PGR: variants seen among roughly 807,000 people sequenced by gnomAD.
PGR encodes the protein progesterone receptor, also known as nuclear receptor subfamily 3 group C member 3.
In PGR, 25 loss-of-function variants were observed where a neutral mutation model predicts 76.1. The observed-to-expected ratio is 0.33, with a 90% CI of 0.24 to 0.46. The LOEUF (loss-of-function observed/expected upper bound fraction) is 0.46. PGR is among the 20% of genes least tolerant of loss of function. The pLI is 1.00. For missense variants in PGR, 1,172 were observed against 1,225.3 expected (o/e 0.96, Z 0.65); for synonymous variants, 579 against 535.0 (o/e 1.08, Z -1.14).
intron 4 of PGR, among the ~76,000 whole-genome samples, chr11:101,056,746 AT>A (rs1421311431): frequency 6.6e-6 from 1 of 152,176 alleles, no homozygotes; most frequent in Non-Finnish European, 1.5e-5. Context: ...TCTGTAAAAA[AT>A]GTCATGTAAT....
intron 3 of PGR, among the ~76,000 whole-genome samples, chr11:101,089,193 T>C (rs1357121950): frequency 1.3e-5 from 2 of 151,894 alleles, no homozygotes. Context: ...GCTGAAAAAA[T>C]AAATAGAGCT....
At chr11:101,059,677 T>TA (rs1195614000) in intron 4 of PGR, among the ~76,000 whole-genome samples, 3 of 150,422 alleles carry the variant, frequency 2.0e-5, no homozygotes, top group African/African-American at 7.3e-5. Flanking sequence ...CAACTAAAAA[T>TA]AAAAAAAATT....
intron 3 of PGR, among the ~76,000 whole-genome samples, chr11:101,090,484 G>A (rs1212140089): frequency 6.6e-6 from 1 of 152,202 alleles, no homozygotes; most frequent in Non-Finnish European, 1.5e-5. Context: ...TCTTTCTTCT[G>A]GCTCCGACAT....
At chr11:101,115,980 C>G (rs1862493741) in intron 2 of PGR, among the ~76,000 whole-genome samples, 1 of 152,152 alleles carries the variant, frequency 6.6e-6, no homozygotes. Context: ...TAGAGCAACA[C>G]TTAATAAAAC....
intron 6 of PGR, among the ~76,000 whole-genome samples, chr11:101,047,099 A>C (rs1385444704): frequency 6.6e-6 from 1 of 152,134 alleles, no homozygotes; most frequent in Non-Finnish European, 1.5e-5. Context: ...AAATGGCTAA[A>C]AATCTTACTC....
chr11:101,060,527 A>G (rs573662583), intron 4 of PGR, among the ~76,000 whole-genome samples: 1 of 152,336 alleles, frequency 6.6e-6, no homozygotes, highest in South Asian at 2.1e-4. Flanking sequence ...GTCAATTGAA[A>G]TCAGTTTTAA....
rs371901633 is a variant in PGR, at chr11:101,114,553, A to G, written c.1789+11454T>C. On this transcript the variant is annotated intron_variant, in intron 2 of 7. Coordinates refer to ENST00000325455, the MANE Select transcript of PGR (RefSeq NM_000926.4). Reference sequence around the variant, plus strand: ...TTCCTAGCTGTTCTCTCTGACTTCAAGCTATCTAATCTCTGTACAAATATA... The same window carrying G: ...TTCCTAGCTGTTCTCTCTGACTTCAGGCTATCTAATCTCTGTACAAATATA... 5.3e-5 allele frequency among the ~76,000 whole-genome samples: 8 copies of G among 152,290 alleles called. No individual in the cohort carries two copies. In the East Asian group the frequency reaches 1.4e-3, roughly 26 times the overall value.
In PGR at chr11:101,037,938, A is replaced by G. The variant is rs1859563754; in HGVS notation, c.*1178T>C. On this transcript the variant is annotated 3_prime_UTR_variant, in exon 8 of 8. Coordinates refer to ENST00000325455, the MANE Select transcript of PGR (RefSeq NM_000926.4). ...ATGCTACTGTAACTCAAATGTGCAC[A>G]AAATGGCAGGTAAACTCTAGGAGAA... 4.7e-6 allele frequency: 1 copy of G among 212,818 alleles called. No homozygotes were observed. Among genetic ancestry groups the G allele is most frequent in the African/African-American group, 2.3e-5 (1 of 44,258 alleles). 13.2% of individuals were successfully genotyped at this position (212,818 alleles called of 1,614,324 possible).
At chr11:101,122,676 C>A (rs1862716255) in intron 2 of PGR, among the ~76,000 whole-genome samples, 1 of 152,124 alleles carries the variant, frequency 6.6e-6, no homozygotes, top group African/African-American at 2.4e-5. Flanking sequence ...ATCATTTTTC[C>A]CAACTCCTTT....
chr11:101,062,778 C>A, intron 3 of PGR, 26 bp from the exon 4 acceptor site: 1 of 1,520,516 alleles, frequency 6.6e-7, no homozygotes, highest in Non-Finnish European at 9.0e-7. Flanking sequence ...AAAAGAAATT[C>A]ATGTAAATAT....
intron 4 of PGR, among the ~76,000 whole-genome samples, chr11:101,054,910 G>A (rs1860234120): frequency 6.6e-6 from 1 of 151,810 alleles, no homozygotes; most frequent in Admixed American, 6.6e-5. Context: ...CAGTTTAATG[G>A]GAAGTCTCTA....
intron 3 of PGR, among the ~76,000 whole-genome samples, chr11:101,080,219 A>G (rs2135438127): frequency 6.6e-6 from 1 of 152,250 alleles, no homozygotes; most frequent in African/African-American, 2.4e-5. Context: ...TTTTGCTCGG[A>G]AACAAGGATC....
chr11:101,085,271 C>G (rs113232147), intron 3 of PGR, among the ~76,000 whole-genome samples: 66 of 151,958 alleles, frequency 4.3e-4, no homozygotes, highest in African/African-American at 1.4e-3. Flanking sequence ...AAAGAGAAAC[C>G]AACATCAAGA....
chr11:101,082,267 T>C (rs1861338577), intron 3 of PGR, among the ~76,000 whole-genome samples: 1 of 152,218 alleles, frequency 6.6e-6, no homozygotes, highest in Non-Finnish European at 1.5e-5. Flanking sequence ...GTTAAAGTTC[T>C]TTTCTTCATA....
At chr11:101,067,765 T>C (rs745314271) in intron 3 of PGR, among the ~76,000 whole-genome samples, 3 of 151,814 alleles carry the variant, frequency 2.0e-5, no homozygotes, top group Non-Finnish European at 4.4e-5. Context: ...AATCATACAG[T>C]GTAGGAAAAA....
chr11:101,036,419 G>T lies in PGR; in HGVS notation c.*2697C>A. On this transcript the variant is annotated 3_prime_UTR_variant, in exon 8 of 8. Coordinates refer to ENST00000325455, the MANE Select transcript of PGR (RefSeq NM_000926.4). ...ACAGAAAATATTTTCATTAACTCAA[G>T]AATCTATTTCAGTAACCTTCAAGTA... 2 of 202,306 alleles carry T rather than the reference G, an allele frequency of 9.9e-6. No individual in the cohort carries two copies. The highest frequency in any genetic ancestry group is 2.0e-5 in the Non-Finnish European group (2 of 98,422). The allele number at this position is 202,306 out of a possible 1,614,324, so 12.5% of individuals were successfully genotyped here.
chr11:101,079,688 G>A (rs534614925), intron 3 of PGR, among the ~76,000 whole-genome samples: 1 of 152,288 alleles, frequency 6.6e-6, no homozygotes, highest in South Asian at 2.1e-4. Flanking sequence ...CTGTAACTAT[G>A]GAAAACAGTA....
intron 6 of PGR, among the ~76,000 whole-genome samples, chr11:101,045,433 G>T (rs12277117): frequency 1.7e-3 from 260 of 152,144 alleles, no homozygotes; most frequent in African/African-American, 6.1e-3. Flanking sequence ...GTATCCATTA[G>T]GTAATGTCTC....
intron 2 of PGR, among the ~76,000 whole-genome samples, chr11:101,096,447 C>T (rs1049305690): frequency 6.6e-6 from 1 of 152,212 alleles, no homozygotes; most frequent in African/African-American, 2.4e-5. Flanking sequence ...TTGTAGCCAG[C>T]CAGTTCCAAC....
Sources: allele counts gnomAD v4.1 joint callset (sites outside exome capture counted in the v4.1 genomes callset), GRCh38; gene constraint gnomAD v4.1.1; transcripts MANE v1.5; gene names NCBI Gene and HGNC (gene_info 2026-07-23, HGNC 2026-07-21).